The following ATP6V1C2 variants were observed in gnomAD, a reference collection of about 807,000 sequenced individuals.
ATP6V1C2 encodes ATPase H+ transporting V1 subunit C2.
ATP6V1C2 carries 45 observed loss-of-function variants against 56.8 expected under a neutral mutation model. The ratio of observed to expected loss-of-function variants is 0.79; its 90% confidence interval spans 0.62 to 1.02. ATP6V1C2 has a LOEUF of 1.02. Ranked by LOEUF, ATP6V1C2 falls within the 50% of genes least tolerant of loss-of-function variation. The probability of loss-of-function intolerance (pLI) is 0.00; values close to 1 mark genes in which losing one functional copy is unlikely to be tolerated. For synonymous variants in ATP6V1C2, 220 were observed against 201.3 expected (o/e 1.09, Z -0.79); for missense variants, 463 against 519.7 (o/e 0.89, Z 1.06).
chr2:10,783,388 A>AAGTT lies in ATP6V1C2; in HGVS notation c.*129_*132dup. On this transcript the variant is annotated 3_prime_UTR_variant, in exon 14 of 14. Transcript: ENST00000272238. ...TCTTTTTCAGAGAAATTGCTCACAAAAGTTAGTGACAGTTGTATTTATTTT... is the reference window on the plus strand; with the variant it reads ...TCTTTTTCAGAGAAATTGCTCACAAAAGTTAGTTAGTGACAGTTGTATTTATTTT... 1.7e-6 allele frequency: 1 copy of AAGTT among 582,764 alleles called. No homozygotes were observed. The highest frequency in any genetic ancestry group is 3.0e-6 in the Non-Finnish European group (1 of 336,880). The allele number at this position is 582,764 out of a possible 1,614,324, so 36.1% of individuals were successfully genotyped here. A position where few individuals can be genotyped will look rare whatever the true frequency, so the allele number is the denominator to read the frequency against.
chr2:10,735,336 A>AT (rs1329947086), intron 3 of ATP6V1C2, among the ~76,000 whole-genome samples: 1 of 151,604 alleles, frequency 6.6e-6, no homozygotes, highest in African/African-American at 2.4e-5. Flanking sequence ...GGCCCAGCTA[A>AT]TTTTTGTGTT....
intron 3 of ATP6V1C2, among the ~76,000 whole-genome samples, chr2:10,732,155 C>T (rs1040965877): frequency 2.6e-5 from 4 of 152,038 alleles, no homozygotes; most frequent in Non-Finnish European, 4.4e-5. Flanking sequence ...TTATTGTTTC[C>T]ATTTTAGTTT....
At chr2:10,764,033 C>T (rs949248656) in intron 4 of ATP6V1C2, among the ~76,000 whole-genome samples, 1 of 152,176 alleles carries the variant, frequency 6.6e-6, no homozygotes, top group Non-Finnish European at 1.5e-5. Flanking sequence ...ACCTCCCTGC[C>T]GTTTAATATA....
In ATP6V1C2 at chr2:10,776,098, C is replaced by T. The variant is rs560278420; in HGVS notation, c.825+1027C>T. Among the ~76,000 whole-genome samples, 4 of 143,094 alleles carry T rather than the reference C, an allele frequency of 2.8e-5. No homozygotes were observed. The East Asian group carries it at 8.6e-4, about 31-fold the overall frequency. 93.9% of individuals were successfully genotyped at this position (143,094 alleles called of 152,430 possible). A position where few individuals can be genotyped will look rare whatever the true frequency, so the allele number is the denominator to read the frequency against. On this transcript the variant is annotated intron_variant, in intron 10 of 13. Transcript: ENST00000272238. ...TTTGCAGGGACTGGGGATGAGCAGC[C>T]ACCCCGTCACAAGCGAGCCCAGCCA...
At position 10,768,784 on chromosome 2, in the gene ATP6V1C2, C is replaced by T; in HGVS notation, c.444C>T (p.Asn148=). Residue 148 remains asparagine (N), a synonymous_variant, in exon 6 of 14, where the codon AAC becomes AAT. Coordinates refer to ENST00000272238, the MANE Select transcript of ATP6V1C2 (RefSeq NM_001039362.2). The part of the protein sequence containing the change: ...RTAAYNTLKT[N]LENLEKKSMG... ...CCGCCTACAACACTCTGAAGACAAA[C>T]CTGGAGAACCTGGAAAAGAAATCCA... 1 of 1,613,946 alleles carries T rather than the reference C, an allele frequency of 6.2e-7. No individual in the cohort carries two copies. Among genetic ancestry groups the T allele is most frequent in the Non-Finnish European group, 8.5e-7 (1 of 1,180,012 alleles).
intron 3 of ATP6V1C2, among the ~76,000 whole-genome samples, chr2:10,738,405 G>T (rs1287230861): frequency 6.6e-6 from 1 of 152,176 alleles, no homozygotes; most frequent in Non-Finnish European, 1.5e-5. Context: ...AATGTTGGCT[G>T]GCCACTTTAG....
At chr2:10,767,844 C>T (rs1269919359) in intron 5 of ATP6V1C2, 1 of 151,924 alleles carries the variant, frequency 6.6e-6, no homozygotes, top group African/African-American at 2.4e-5. Flanking sequence ...ATGATTTTAT[C>T]TTTAAAATAA....
In ATP6V1C2 at chr2:10,768,698, G is replaced by A. The variant is rs530697472; in HGVS notation, c.379-21G>A. The A allele has an allele frequency of 2.5e-6, 4 of 1,610,858 alleles. No individual in the cohort carries two copies. The African/African-American group carries it at 4.0e-5, about 16-fold the overall frequency. On this transcript the variant is annotated intron_variant, in intron 5 of 13. Transcript: ENST00000272238. The stretch of plus-strand genomic sequence containing the variant: ...CCTTCAATGCTCAGGGTCACCTGGA[G>A]CTTTTGCTTTCCCAAAACAGCAACT...
rs1291444247 is a variant in ATP6V1C2, at chr2:10,743,976, A to G, written c.198-10005A>G. ...CCTAGCCTGGGCAACAGCGAGATTC[A>G]GTCTCAAAAAAAAAAAAAAAATAAT... On this transcript the variant is annotated intron_variant, in intron 3 of 13. Coordinates refer to ENST00000272238, the MANE Select transcript of ATP6V1C2 (RefSeq NM_001039362.2). 4.8e-5 allele frequency among the ~76,000 whole-genome samples: 3 copies of G among 62,602 alleles called. No homozygotes were observed. The Admixed American group carries it at 6.3e-4, about 13-fold the overall frequency. The allele number at this position is 62,602 out of a possible 152,430, so 41.1% of individuals were successfully genotyped here. A position where few individuals can be genotyped will look rare whatever the true frequency, so the allele number is the denominator to read the frequency against.
intron 4 of ATP6V1C2, among the ~76,000 whole-genome samples, chr2:10,757,213 A>C (rs1663609325): frequency 6.6e-6 from 1 of 151,846 alleles, no homozygotes; most frequent in South Asian, 2.1e-4. Flanking sequence ...GGGTTTCTCC[A>C]CGCTGGCCGG....
At chr2:10,754,153 A>C (rs1374351406) in intron 4 of ATP6V1C2, 87 bp downstream of exon 4, 1 of 1,129,562 alleles carries the variant, frequency 8.9e-7, no homozygotes, top group South Asian at 1.3e-5. Context: ...CACAGCAATC[A>C]CCGAGATGGC....
chr2:10,772,576 T>TG lies in ATP6V1C2; in HGVS notation c.604_605insG (p.Ser202CysfsTer16), dbSNP rs1459393583. On this transcript the variant is annotated frameshift_variant, in exon 8 of 14. Transcript: ENST00000272238. LOFTEE classifies it high-confidence loss of function. Reference sequence around the variant, plus strand: ...CTCACAATGGCAAAAAACCTACGAATCTCTCTCAGACATGGTGGTCCCTCG... The same window carrying TG: ...CTCACAATGGCAAAAAACCTACGAATGCTCTCTCAGACATGGTGGTCCCTCG... The TG allele has an allele frequency of 6.2e-7, 1 of 1,613,936 alleles. No individual in the cohort carries two copies. The highest frequency in any genetic ancestry group is 8.5e-7 in the Non-Finnish European group (1 of 1,179,974).
intron 8 of ATP6V1C2, among the ~76,000 whole-genome samples, chr2:10,773,086 C>G (rs1426723378): frequency 6.6e-6 from 1 of 152,192 alleles, no homozygotes; most frequent in Non-Finnish European, 1.5e-5. Context: ...GAGCGGGTTA[C>G]AGACTGTCCA....
rs1392864526 is a variant in ATP6V1C2, at chr2:10,783,310, G to A, written c.*47G>A. 1 of 1,278,764 alleles carries A rather than the reference G, an allele frequency of 7.8e-7. No individual in the cohort carries two copies. The highest frequency in any genetic ancestry group is 1.1e-6 in the Non-Finnish European group (1 of 877,530). The allele number at this position is 1,278,764 out of a possible 1,614,324, so 79.2% of individuals were successfully genotyped here. On this transcript the variant is annotated 3_prime_UTR_variant, in exon 14 of 14. Transcript: ENST00000272238. Reference sequence around the variant, plus strand: ...TCTCATGTTCGTGCAGATTATTACAGACACCTCTTTCCTTTAGCCAGAGAA... The same window carrying A: ...TCTCATGTTCGTGCAGATTATTACAAACACCTCTTTCCTTTAGCCAGAGAA...
At chr2:10,728,779 A>C (rs1426559384) in intron 3 of ATP6V1C2, among the ~76,000 whole-genome samples, 1 of 150,946 alleles carries the variant, frequency 6.6e-6, no homozygotes, top group African/African-American at 2.4e-5. Flanking sequence ...TGTCTCAAAA[A>C]AAAAAAAAAA....
intron 4 of ATP6V1C2, among the ~76,000 whole-genome samples, chr2:10,754,413 A>G (rs935655152): frequency 1.3e-5 from 2 of 151,794 alleles, no homozygotes; most frequent in Non-Finnish European, 2.9e-5. Flanking sequence ...TTTAGTAGAG[A>G]TGGAGTTTCA....
chr2:10,764,610 C>T (rs1418831349), intron 5 of ATP6V1C2, among the ~76,000 whole-genome samples, 185 bp downstream of exon 5: 2 of 152,210 alleles, frequency 1.3e-5, no homozygotes, highest in Non-Finnish European at 1.5e-5. Context: ...AGGGAAAGAG[C>T]CAGTCCCCTG....
chr2:10,768,866 C>T (rs1191221450), intron 6 of ATP6V1C2, 56 bp downstream of exon 6: 30 of 1,461,820 alleles, frequency 2.1e-5, no homozygotes, highest in South Asian at 5.7e-5. Context: ...GGGGGCTTAG[C>T]GCTTGCCTGT....
At chr2:10,765,637 C>A (rs767686697) in intron 5 of ATP6V1C2, among the ~76,000 whole-genome samples, 6 of 152,210 alleles carry the variant, frequency 3.9e-5, no homozygotes, top group Non-Finnish European at 4.4e-5. Flanking sequence ...CCTGCTGGGA[C>A]GATCAGGCAG....
Sources: allele counts gnomAD v4.1 joint callset (sites outside exome capture counted in the v4.1 genomes callset), GRCh38; gene constraint gnomAD v4.1.1; transcripts MANE v1.5; gene names NCBI Gene and HGNC (gene_info 2026-07-23, HGNC 2026-07-21).